CAMSAP1: variants seen among roughly 807,000 people sequenced by gnomAD.
CAMSAP1 encodes calmodulin regulated spectrin associated protein 1.
In CAMSAP1, 58 loss-of-function variants were observed where a neutral mutation model predicts 143.5. The ratio of observed to expected loss-of-function variants is 0.40; its 90% confidence interval spans 0.33 to 0.50. The LOEUF is 0.50. Among genes scored for constraint, CAMSAP1 ranks in the 20% least tolerant of loss-of-function variants. CAMSAP1 has a pLI of 0.45. For missense variants in CAMSAP1, 1,969 were observed against 2,115.7 expected, an observed-to-expected ratio of 0.93 and a Z score of 1.36; for synonymous variants, 945 against 859.3, an observed-to-expected ratio of 1.10 and a Z score of -1.74.
chr9:135,838,928 A>G (rs1328411373), intron 7 of CAMSAP1, among the ~76,000 whole-genome samples: 2 of 149,020 alleles, frequency 1.3e-5, no homozygotes, highest in Non-Finnish European at 3.0e-5. Context: ...CTTTCTACCC[A>G]TTCTTCAGAG....
At chr9:135,862,369 T>A (rs916502951) in intron 5 of CAMSAP1, 98 bp downstream of exon 5, 2 of 1,333,504 alleles carry the variant, frequency 1.5e-6, no homozygotes, top group Non-Finnish European at 2.0e-6. Flanking sequence ...TCCATTTTCT[T>A]TCTCTTTTTT....
At chr9:135,832,817 T>C (rs1346135468) in intron 7 of CAMSAP1, among the ~76,000 whole-genome samples, 2 of 152,072 alleles carry the variant, frequency 1.3e-5, no homozygotes, top group Non-Finnish European at 2.9e-5. Context: ...TACTTAGGAA[T>C]AAATATAACC....
At chr9:135,904,922 G>A (rs987359982) in intron 1 of CAMSAP1, among the ~76,000 whole-genome samples, 4 of 151,072 alleles carry the variant, frequency 2.6e-5, no homozygotes, top group Non-Finnish European at 5.9e-5. Flanking sequence ...CTGAGGTCGC[G>A]TCACTGCACT....
intron 5 of CAMSAP1, among the ~76,000 whole-genome samples, chr9:135,855,629 T>TGTGATGGTGCGTG (rs1473609747): frequency 6.6e-6 from 1 of 151,214 alleles, no homozygotes; most frequent in East Asian, 1.9e-4. Flanking sequence ...TAGTCCCAGC[T>TGTGATGGTGCGTG]ACTTGGGAGG....
intron 5 of CAMSAP1, 72 bp downstream of exon 5, chr9:135,862,395 G>A: frequency 6.1e-6 from 8 of 1,305,448 alleles, no homozygotes; most frequent in Non-Finnish European, 7.3e-6. Context: ...TAATATATAT[G>A]TGGATCAATG....
At chr9:135,876,512 T>G (rs1468266137) in intron 3 of CAMSAP1, among the ~76,000 whole-genome samples, 1 of 152,076 alleles carries the variant, frequency 6.6e-6, no homozygotes, top group African/African-American at 2.4e-5. Flanking sequence ...ACACATCCAC[T>G]CAAATGGCTA....
At position 135,821,634 on chromosome 9, in the gene CAMSAP1, G is replaced by GTCC; in HGVS notation, c.3024_3026dup (p.Glu1008dup). The GTCC allele has an allele frequency of 6.2e-7, 1 of 1,614,032 alleles. No individual in the cohort carries two copies. Among genetic ancestry groups the GTCC allele is most frequent in the South Asian group, 1.1e-5 (1 of 91,080 alleles). On this transcript the variant is annotated inframe_insertion, in exon 11 of 17. Transcript: ENST00000389532. This position sits in a 1 kb window ranked among gnomAD's most constrained non-coding sequence, Gnocchi z 4.6. ...TCACGTCGACAACCTCCCCAACAGT[G>GTCC]TCCTCCAGGAGGGCAGCGGAGATCA...
intron 16 of CAMSAP1, among the ~76,000 whole-genome samples, chr9:135,813,738 A>C (rs1835132786): frequency 6.6e-6 from 1 of 152,198 alleles, no homozygotes. Flanking sequence ...GGGCCTCCTG[A>C]GCCTGAACTG....
chr9:135,825,354 A>G (rs1489565673), intron 8 of CAMSAP1, among the ~76,000 whole-genome samples: 1 of 152,256 alleles, frequency 6.6e-6, no homozygotes. Context: ...CCCATCACAG[A>G]CGGCAGCATG....
chr9:135,898,012 G>A (rs1004040034), intron 1 of CAMSAP1, among the ~76,000 whole-genome samples: 1 of 152,176 alleles, frequency 6.6e-6, no homozygotes, highest in African/African-American at 2.4e-5. Flanking sequence ...AGATGCAGCT[G>A]TGGCAGTACT....
intron 7 of CAMSAP1, among the ~76,000 whole-genome samples, chr9:135,832,139 T>A (rs986111042): frequency 1.3e-5 from 2 of 152,208 alleles, no homozygotes; most frequent in East Asian, 3.8e-4. Context: ...CAGGCCAATA[T>A]CTCTGATTAA....
In CAMSAP1 at chr9:135,892,868, G is replaced by T. The variant is rs181958112; in HGVS notation, c.161-9790C>A. Among the ~76,000 whole-genome samples the T allele has an allele frequency of 2.5e-4, 14 of 55,264 alleles. No individual in the cohort carries two copies. In the East Asian group the frequency reaches 2.8e-3, roughly 11 times the overall value. The allele number at this position is 55,264 out of a possible 152,430, so 36.3% of individuals were successfully genotyped here. A position where few individuals can be genotyped will look rare whatever the true frequency, so the allele number is the denominator to read the frequency against. The stretch of plus-strand genomic sequence containing the variant: ...TGTCTCAAAAAAAAAAAAAAAAAAA[G>T]AACTAATCAGAAATTATAGGCTGGG... On this transcript the variant is annotated intron_variant, in intron 1 of 16. Transcript: ENST00000389532.
At chr9:135,847,061 C>G (rs923103352) in intron 7 of CAMSAP1, among the ~76,000 whole-genome samples, 1 of 152,064 alleles carries the variant, frequency 6.6e-6, no homozygotes, top group African/African-American at 2.4e-5. Flanking sequence ...AATCATCCTA[C>G]TATAGGCCGG....
Position 135,814,617 on chromosome 9 carries a change from C to A in CAMSAP1, c.4506+480G>T, listed in dbSNP as rs117610233. 6.1e-3 allele frequency among the ~76,000 whole-genome samples: 924 copies of A among 152,290 alleles called. 8 individuals carry two copies. The highest frequency in any genetic ancestry group is 0.01 in the Non-Finnish European group (696 of 68,018). ...GGTGCGCGCCTCTTCCCTCCCTCCCCACTCCATCTTCCCCAACCCACCACT... is the reference window on the plus strand; with the variant it reads ...GGTGCGCGCCTCTTCCCTCCCTCCCAACTCCATCTTCCCCAACCCACCACT... On this transcript the variant is annotated intron_variant, in intron 16 of 16. Coordinates refer to ENST00000389532, the MANE Select transcript of CAMSAP1 (RefSeq NM_015447.4).
chr9:135,836,987 T>G (rs1836080941), intron 7 of CAMSAP1: 1 of 963,388 alleles, frequency 1.0e-6, no homozygotes. Context: ...CAGACACACA[T>G]CATCACGCAC....
chr9:135,893,261 T>TGAAA (rs139170834), intron 1 of CAMSAP1, among the ~76,000 whole-genome samples: 4,006 of 105,908 alleles, frequency 0.038, 203 homozygotes, highest in African/African-American at 0.13. Context: ...AGGAGAGAGA[T>TGAAA]GAAAGAAAGA....
At chr9:135,852,921 C>T (rs998246336) in intron 5 of CAMSAP1, among the ~76,000 whole-genome samples, 10 of 152,252 alleles carry the variant, frequency 6.6e-5, no homozygotes, top group South Asian at 2.1e-4. Flanking sequence ...GTGGGGCAAA[C>T]GCTGACAAAA....
At position 135,907,093 on chromosome 9, in the gene CAMSAP1, C is replaced by T; in HGVS notation, c.67G>A (p.Ala23Thr). ...WRKMEAPPDG[A>T]ADLVPLDRYD... The stretch of plus-strand genomic sequence containing the variant: ...CGGTCCAGGGGCACGAGGTCGGCGG[C>T]GCCGTCCGGCGGGGCCTCCATCTTC... Residue 23 changes from alanine to threonine, a missense_variant, in exon 1 of 17, where the codon GCC becomes ACC. Physicochemically the swap from Ala to Thr is moderately conservative, Grantham distance 58 (BLOSUM62 0). This residue lies in a region of CAMSAP1 where 215 missense variants were observed against 196.2 expected (regional missense o/e 1.10). Transcript: ENST00000389532. The T allele has an allele frequency of 1.7e-6, 2 of 1,147,048 alleles. No individual in the cohort carries two copies. Among genetic ancestry groups the T allele is most frequent in the South Asian group, 3.2e-5 (1 of 30,834 alleles). The allele number at this position is 1,147,048 out of a possible 1,614,324, so 71.1% of individuals were successfully genotyped here.
chr9:135,831,388 C>A (rs1466735777), intron 7 of CAMSAP1, among the ~76,000 whole-genome samples: 1 of 151,846 alleles, frequency 6.6e-6, no homozygotes, highest in African/African-American at 2.4e-5. Flanking sequence ...AATCCCAGCA[C>A]TTTAGGAGAC....
Sources: allele counts gnomAD v4.1 joint callset (sites outside exome capture counted in the v4.1 genomes callset), GRCh38; gene constraint gnomAD v4.1.1; regional missense constraint gnomAD v4.1.1; non-coding constraint Gnocchi (gnomAD v3.1); transcripts MANE v1.5; gene names NCBI Gene and HGNC (gene_info 2026-07-23, HGNC 2026-07-21).